SLC2A9: variants seen among roughly 807,000 people sequenced by gnomAD.
SLC2A9 encodes solute carrier family 2, facilitated glucose transporter member 9.
SLC2A9 carries 39 observed loss-of-function variants against 50.6 expected under a neutral mutation model. The observed-to-expected ratio is 0.77, with a 90% CI of 0.60 to 1.01. The LOEUF is 1.01. Among genes scored for constraint, SLC2A9 ranks in the 50% least tolerant of loss-of-function variants. The probability of loss-of-function intolerance (pLI) is 0.00; values close to 1 mark genes in which losing one functional copy is unlikely to be tolerated. For missense variants in SLC2A9, 686 were observed against 677.6 expected (o/e 1.01, Z -0.14); for synonymous variants, 324 against 276.9 (o/e 1.17, Z -1.69).
At chr4:9,790,535 C>T (rs1438609485) in intron 3 of SLC2A9, among the ~76,000 whole-genome samples, 2 of 152,106 alleles carry the variant, frequency 1.3e-5, no homozygotes, top group Non-Finnish European at 2.9e-5. Flanking sequence ...AGAAAGACTA[C>T]AAAGTTGTAT....
downstream of SLC2A9, among the ~76,000 whole-genome samples, chr4:9,794,386 C>A (rs762452426): frequency 3.9e-4 from 60 of 152,320 alleles, no homozygotes; most frequent in South Asian, 1.5e-3. Context: ...AAACTCCTGA[C>A]TTCAGGTGAT....
intron 11 of SLC2A9, among the ~76,000 whole-genome samples, chr4:9,831,272 G>A (rs1302571519): frequency 6.6e-6 from 1 of 152,120 alleles, no homozygotes; most frequent in East Asian, 1.9e-4. Flanking sequence ...ATGTGATTAA[G>A]TTGAAATGAG....
At position 9,861,315 on chromosome 4, in the gene SLC2A9, G is replaced by T. The variant is rs370433622; in HGVS notation, c.1291+26252C>A. ...AGGTACCACACACTTTTAAACGATGGGATCTCATCGTTTAAAATGATGATA... is the reference window on the plus strand; with the variant it reads ...AGGTACCACACACTTTTAAACGATGTGATCTCATCGTTTAAAATGATGATA... On this transcript the variant is annotated intron_variant, in intron 10 of 11. Coordinates refer to ENST00000264784, the MANE Select transcript of SLC2A9 (RefSeq NM_020041.3). Among the ~76,000 whole-genome samples, 6 of 151,832 alleles carry T rather than the reference G, an allele frequency of 4.0e-5. No individual in the cohort carries two copies. The East Asian group carries it at 1.2e-3, about 30-fold the overall frequency.
rs1192398926 is a variant in SLC2A9, at chr4:9,920,576, C to A, written c.815-4G>T. 5.6e-6 allele frequency: 9 copies of A among 1,614,096 alleles called. No individual in the cohort carries two copies. The highest frequency in any genetic ancestry group is 1.7e-5 in the Admixed American group (1 of 60,026). On this transcript the variant is annotated splice_region_variant and splice_polypyrimidine_tract_variant and intron_variant, in intron 6 of 11. Transcript: ENST00000264784. ...TTACCCAAGAACGTTTGGAAGGCTG[C>A]AAACAGAGGCACACATGGACTTTCA...
At chr4:9,947,720 T>C (rs1440680142) in intron 5 of SLC2A9, among the ~76,000 whole-genome samples, 1 of 152,092 alleles carries the variant, frequency 6.6e-6, no homozygotes, top group African/African-American at 2.4e-5. Context: ...GAGCCAACAT[T>C]TCCCCTCCCA....
intron 10 of SLC2A9, among the ~76,000 whole-genome samples, chr4:9,884,445 GT>G (rs11420026): frequency 5.4e-5 from 8 of 148,992 alleles, no homozygotes; most frequent in South Asian, 4.3e-4. Flanking sequence ...GGCTAGAAAT[GT>G]TTTTTTTTTT....
intron 2 of SLC2A9, among the ~76,000 whole-genome samples, chr4:10,016,191 A>G (rs1285060530): frequency 6.6e-6 from 1 of 152,216 alleles, no homozygotes; most frequent in African/African-American, 2.4e-5. Flanking sequence ...TATCCCAAAC[A>G]AGAAGTCCCA....
At chr4:9,775,168 T>C (rs866253784), downstream of SLC2A9, among the ~76,000 whole-genome samples, 5 of 152,224 alleles carry the variant, frequency 3.3e-5, no homozygotes, top group African/African-American at 1.2e-4. Context: ...TTGATGCTGG[T>C]TGTTTCTGGG....
rs556695749 is a variant in SLC2A9 at position 9,880,151 on chromosome 4, A to T, written c.1291+7416T>A. 18 of 985,442 alleles carry T rather than the reference A, an allele frequency of 1.8e-5. No individual in the cohort carries two copies. The African/African-American group carries it at 2.8e-4, about 15-fold the overall frequency. 61.0% of individuals were successfully genotyped at this position (985,442 alleles called of 1,614,324 possible). A position where few individuals can be genotyped will look rare whatever the true frequency, so the allele number is the denominator to read the frequency against. Reference sequence around the variant, plus strand: ...TGCTCTTCCCTGTCCACTTAGGAAGATGCAAGATGGTCTCATGGTCTAAGT... The same window carrying T: ...TGCTCTTCCCTGTCCACTTAGGAAGTTGCAAGATGGTCTCATGGTCTAAGT... On this transcript the variant is annotated intron_variant, in intron 10 of 11. Transcript: ENST00000264784.
At chr4:9,879,629 C>T (rs1187339426) in intron 10 of SLC2A9, 1 of 985,260 alleles carries the variant, frequency 1.0e-6, no homozygotes, top group African/African-American at 1.7e-5. Flanking sequence ...GTGCTCAGAC[C>T]TTAATTCGCA....
At chr4:9,959,580 G>A (rs986518056) in intron 5 of SLC2A9, among the ~76,000 whole-genome samples, 3 of 152,142 alleles carry the variant, frequency 2.0e-5, no homozygotes, top group Admixed American at 6.5e-5. Context: ...GAGCAGACAG[G>A]GAGCTTGAGG....
chr4:9,934,749 C>A (rs550532053), intron 6 of SLC2A9, among the ~76,000 whole-genome samples: 13 of 152,248 alleles, frequency 8.5e-5, no homozygotes, highest in African/African-American at 3.1e-4. Flanking sequence ...ACCTATCAAC[C>A]TGTCGTCTAG....
At chr4:9,956,519 G>A (rs983179262) in intron 5 of SLC2A9, among the ~76,000 whole-genome samples, 2 of 151,854 alleles carry the variant, frequency 1.3e-5, no homozygotes. Flanking sequence ...AAGTATCTTC[G>A]GCCATTCTGA....
chr4:9,927,412 C>T lies in SLC2A9; in HGVS notation c.815-6840G>A, dbSNP rs777091160. On this transcript the variant is annotated intron_variant, in intron 6 of 11. Coordinates refer to ENST00000264784, the MANE Select transcript of SLC2A9 (RefSeq NM_020041.3). ...TTTATCACCTCCTGCTAGAGCAAAG[C>T]GCAGAACAACCCGGAGGCCTCTTCC... Among the ~76,000 whole-genome samples the T allele has an allele frequency of 2.6e-5, 4 of 152,218 alleles. No homozygotes were observed. In the East Asian group the frequency reaches 5.8e-4, roughly 22 times the overall value.
At position 9,806,912 on chromosome 4, in the gene SLC2A9, C is replaced by T. The variant is rs189902533; in HGVS notation, n.421-7671G>A. Among the ~76,000 whole-genome samples, 422 of 152,286 alleles carry T rather than the reference C, an allele frequency of 2.8e-3. 1 individual carries two copies. The highest frequency in any genetic ancestry group is 0.027 in the Middle Eastern group (8 of 294). ...ACTGATTAGAGGAGCATCTGGTTGG[C>T]TTTTAAGACTCTTGAAGACTGAAAG... On this transcript the variant is annotated intron_variant and non_coding_transcript_variant, in intron 3 of 3. Transcript: ENST00000503280.
downstream of SLC2A9, among the ~76,000 whole-genome samples, chr4:9,775,101 G>A (rs566611139): frequency 3.3e-5 from 5 of 152,312 alleles, no homozygotes; most frequent in South Asian, 8.3e-4. Flanking sequence ...TAGCTAAGGT[G>A]ACAGAAGGAC....
intron 3 of SLC2A9, among the ~76,000 whole-genome samples, chr4:9,800,380 C>T (rs1444480626): frequency 6.6e-6 from 1 of 152,166 alleles, no homozygotes; most frequent in Admixed American, 6.5e-5. Flanking sequence ...GTATGGTGGA[C>T]CCCTAATCTA....
At chr4:9,779,493 C>A (rs1211239759), downstream of SLC2A9, among the ~76,000 whole-genome samples, 1 of 151,134 alleles carries the variant, frequency 6.6e-6, no homozygotes, top group Non-Finnish European at 1.5e-5. Context: ...CGGCTCACTG[C>A]AAGCTCCGCC....
chr4:9,885,201 GA>G (rs1384490696), intron 10 of SLC2A9, among the ~76,000 whole-genome samples: 1 of 151,860 alleles, frequency 6.6e-6, no homozygotes, highest in Non-Finnish European at 1.5e-5. Flanking sequence ...TGTATCCCAT[GA>G]AAAAAAATAT....
Sources: gnomAD v4.1 joint callset for allele counts (sites outside exome capture counted in the v4.1 genomes callset) on GRCh38, gnomAD v4.1.1 for gene constraint, MANE v1.5 for transcripts, NCBI Gene and HGNC (gene_info 2026-07-23, HGNC 2026-07-21) for gene names.